RPF1: variants seen among roughly 807,000 people sequenced by gnomAD.
RPF1 encodes ribosome production factor 1.
RPF1 carries 34 observed loss-of-function variants against 41.9 expected under a neutral mutation model. The ratio of observed to expected loss-of-function variants is 0.81; its 90% confidence interval spans 0.62 to 1.08. The LOEUF (loss-of-function observed/expected upper bound fraction) is 1.08, where lower values mean the gene tolerates loss of function less well. Among genes scored for constraint, RPF1 ranks in the 50% least tolerant of loss-of-function variants. The pLI is 0.00. For missense variants in RPF1, 425 were observed against 435.2 expected, an observed-to-expected ratio of 0.98 and a Z score of 0.21; for synonymous variants, 140 against 148.9, an observed-to-expected ratio of 0.94 and a Z score of 0.43.
Position 84,490,395 on chromosome 1 carries a change from T to A in RPF1, c.539T>A (p.Leu180Gln). Residue 180 changes from leucine to glutamine, a missense_variant, in exon 5 of 9, where the codon CTG (leucine) becomes CAG (glutamine). Leu to Gln is a moderately radical substitution (Grantham distance 113). Transcript: ENST00000370654. ...SHVYYRRGLALKKIIPQCIAR... is the reference protein window; with the variant it reads ...SHVYYRRGLAQKKIIPQCIAR... Reference sequence around the variant, plus strand: ...GTTTATTACAGAAGAGGACTGGCTCTGAAAAAAATTATTCCACAGTGCATC... The same window carrying A: ...GTTTATTACAGAAGAGGACTGGCTCAGAAAAAAATTATTCCACAGTGCATC... 6.2e-7 allele frequency: 1 copy of A among 1,612,246 alleles called. No individual in the cohort carries two copies. The highest frequency in any genetic ancestry group is 8.5e-7 in the Non-Finnish European group (1 of 1,179,094).
intron 3 of RPF1, among the ~76,000 whole-genome samples, chr1:84,488,743 T>A (rs1437935839): frequency 1.3e-5 from 2 of 152,114 alleles, no homozygotes; most frequent in African/African-American, 4.8e-5. Flanking sequence ...GATTTTGTTT[T>A]GTTTTGTTTG....
intron 8 of RPF1, 61 bp from the exon 9 acceptor site, chr1:84,497,368 G>T: frequency 7.1e-7 from 1 of 1,406,958 alleles, no homozygotes. Flanking sequence ...TGTCTTACCT[G>T]AATTGTTAAT....
chr1:84,482,769 A>G (rs1278651296), intron 2 of RPF1, 146 bp from the exon 3 acceptor site: 1 of 540,642 alleles, frequency 1.8e-6, no homozygotes, highest in Non-Finnish European at 3.4e-6. Context: ...CAATATTGTT[A>G]TTAGAATTGA....
rs768030426 is a variant in RPF1, at chr1:84,497,611, A to C, written c.*141A>C. 5.4e-4 allele frequency: 272 copies of C among 503,962 alleles called. 4 individuals are homozygous for C. Among genetic ancestry groups the C allele is most frequent in the Non-Finnish European group, 1.2e-4 (35 of 284,422 alleles). The allele number at this position is 503,962 out of a possible 1,614,324, so 31.2% of individuals were successfully genotyped here. Reference sequence around the variant, plus strand: ...ACGTCTGGACGAATTACCAAATGCCATGAATTGCCACTGTGTGTTTATGTA... The same window carrying C: ...ACGTCTGGACGAATTACCAAATGCCCTGAATTGCCACTGTGTGTTTATGTA... On this transcript the variant is annotated 3_prime_UTR_variant, in exon 9 of 9. Coordinates refer to ENST00000370654, the MANE Select transcript of RPF1 (RefSeq NM_025065.7).
At chr1:84,480,880 A>AT (rs1681633662) in intron 1 of RPF1, 76 bp from the exon 2 acceptor site, 1 of 784,850 alleles carries the variant, frequency 1.3e-6, no homozygotes, top group Non-Finnish European at 2.2e-6. Flanking sequence ...AGCATTAGTA[A>AT]TTTGTAGTTT....
chr1:84,480,951 T>A lies in RPF1; in HGVS notation c.229-5T>A. The A allele has an allele frequency of 6.5e-7, 1 of 1,527,184 alleles. No individual in the cohort carries two copies. Among genetic ancestry groups the A allele is most frequent in the Non-Finnish European group, 9.0e-7 (1 of 1,105,364 alleles). 94.6% of individuals were successfully genotyped at this position (1,527,184 alleles called of 1,614,324 possible). The stretch of plus-strand genomic sequence containing the variant: ...GTATTGTTCTCTTTTTTTTTAACCC[T>A]TTAGGAAAAGTTGGCAGCTAAGAAA... On this transcript the variant is annotated splice_polypyrimidine_tract_variant and splice_region_variant and intron_variant, in intron 1 of 8. Coordinates refer to ENST00000370654, the MANE Select transcript of RPF1 (RefSeq NM_025065.7).
In RPF1 at chr1:84,482,979, AC is replaced by A. The variant is rs1454108172; in HGVS notation, c.353del (p.Pro118LeufsTer63). 1.2e-6 allele frequency: 2 copies of A among 1,601,190 alleles called. No homozygotes were observed. The highest frequency in any genetic ancestry group is 2.7e-5 in the African/African-American group (2 of 74,618). ...CGAGTGTATGATGAAACCACAGTAG[AC>A]CCTAATGATGAAGAGGTAATGTTAG... ...NQRVYDETTV[D>X]PNDEEVAYDE... On this transcript the variant is annotated frameshift_variant, in exon 3 of 9. Transcript: ENST00000370654. LOFTEE classifies it high-confidence loss of function.
At position 84,490,484 on chromosome 1, in the gene RPF1, T is replaced by A. The variant is rs1681815528; in HGVS notation, c.616+12T>A. 1 of 1,562,176 alleles carries A rather than the reference T, an allele frequency of 6.4e-7. No individual in the cohort carries two copies. The highest frequency in any genetic ancestry group is 1.4e-5 in the African/African-American group (1 of 71,656). On this transcript the variant is annotated intron_variant, in intron 5 of 8. Transcript: ENST00000370654. The stretch of plus-strand genomic sequence containing the variant: ...TCGTAAAACCCCAAGTATCCTTTTT[T>A]TTTTTAAGGAGGTTTTCCTGTCCTC...
intron 6 of RPF1, 76 bp downstream of exon 6, chr1:84,495,531 T>A (rs959655235): frequency 1.5e-6 from 1 of 686,582 alleles, no homozygotes; most frequent in African/African-American, 1.9e-5. Context: ...CTGTATCTTA[T>A]AGCTCTAATT....
At chr1:84,480,162 C>G (rs866579710) in intron 1 of RPF1, among the ~76,000 whole-genome samples, 47 of 152,156 alleles carry the variant, frequency 3.1e-4, no homozygotes, top group African/African-American at 1.0e-3. Flanking sequence ...TCTGCCTCCT[C>G]TTACTGGCCC....
intron 3 of RPF1, among the ~76,000 whole-genome samples, chr1:84,487,716 T>C (rs1477117152): frequency 1.3e-5 from 2 of 152,160 alleles, no homozygotes; most frequent in Non-Finnish European, 2.9e-5. Flanking sequence ...GAGTTGCCTC[T>C]CGTATTTATT....
chr1:84,497,388 G>T, intron 8 of RPF1, 41 bp from the exon 9 acceptor site: 1 of 1,550,372 alleles, frequency 6.5e-7, no homozygotes, highest in Non-Finnish European at 8.9e-7. Flanking sequence ...TTATATTTTT[G>T]TTTTGTTTTC....
At chr1:84,492,789 C>T (rs1435737277) in intron 5 of RPF1, among the ~76,000 whole-genome samples, 1 of 152,138 alleles carries the variant, frequency 6.6e-6, no homozygotes, top group Non-Finnish European at 1.5e-5. Context: ...GCATTCCTGG[C>T]CTTTGGATTC....
intron 8 of RPF1, among the ~76,000 whole-genome samples, chr1:84,497,170 T>G (rs1486962509): frequency 2.0e-5 from 3 of 151,082 alleles, no homozygotes; most frequent in Middle Eastern, 3.4e-3. Flanking sequence ...GTGCATGGCC[T>G]AAAACATCCT....
intron 3 of RPF1, among the ~76,000 whole-genome samples, chr1:84,487,161 A>G (rs1336934691): frequency 6.6e-6 from 1 of 152,184 alleles, no homozygotes; most frequent in Non-Finnish European, 1.5e-5. Context: ...ATGTTTACCT[A>G]CAGTAGGATA....
Position 84,489,720 on chromosome 1 carries a change from C to T in RPF1, c.454C>T (p.Pro152Ser). 1 of 1,558,250 alleles carries T rather than the reference C, an allele frequency of 6.4e-7. No individual in the cohort carries two copies. Among genetic ancestry groups the T allele is most frequent in the Non-Finnish European group, 8.9e-7 (1 of 1,129,462 alleles). ...GATTCTCATCACAACATCAGATAGA[C>T]CTCATGGGGTAAACACATTGATTAA... ...PKILITTSDR[P>S]HGRTVRLCEQ... is the part of the protein sequence containing the mutation. Residue 152 changes from proline (P) to serine (S), a missense_variant, in exon 4 of 9, where the codon CCT becomes TCT. Pro to Ser is a moderately conservative substitution (Grantham distance 74, BLOSUM62 -1). Transcript: ENST00000370654.
chr1:84,496,315 C>G lies in RPF1; in HGVS notation c.953C>G (p.Ser318Cys). ...CCACGTTTTACCTTAAAATTAAGGT[C>G]TCTTCAGAAAGGAACCTTTGATTCT... ...LGPRFTLKLR[S>C]LQKGTFDSKY... The change falls in exon 8 of 9, where the codon TCT becomes TGT. Residue 318 changes from serine to cysteine, a missense_variant. Physicochemically the swap from Ser to Cys is moderately radical, Grantham distance 112. Transcript: ENST00000370654. 6.2e-7 allele frequency: 1 copy of G among 1,611,140 alleles called. No individual in the cohort carries two copies. Among genetic ancestry groups the G allele is most frequent in the Non-Finnish European group, 8.5e-7 (1 of 1,177,456 alleles).
chr1:84,494,745 G>C (rs1681897740), intron 5 of RPF1, among the ~76,000 whole-genome samples: 1 of 152,148 alleles, frequency 6.6e-6, no homozygotes, highest in Non-Finnish European at 1.5e-5. Context: ...AGCATGTCTA[G>C]CATAATTCTC....
At chr1:84,496,568 A>T (rs967862790) in intron 8 of RPF1, among the ~76,000 whole-genome samples, 198 bp downstream of exon 8, 6 of 28,326 alleles carry the variant, frequency 2.1e-4, no homozygotes, top group Non-Finnish European at 5.2e-4. Flanking sequence ...CCTTGAACTA[A>T]AAAAAAAAAA....
Sources: allele counts gnomAD v4.1 joint callset (sites outside exome capture counted in the v4.1 genomes callset), GRCh38; gene constraint gnomAD v4.1.1; transcripts MANE v1.5; gene names NCBI Gene and HGNC (gene_info 2026-07-23, HGNC 2026-07-21).